The following TMEM116 variants were observed in gnomAD, a reference collection of about 807,000 sequenced individuals.
TMEM116 encodes transmembrane protein 116.
Under a neutral mutation model 44.3 loss-of-function variants are expected in TMEM116, and 38 were observed. The observed-to-expected ratio is 0.86, with a 90% CI of 0.66 to 1.12. The LOEUF (loss-of-function observed/expected upper bound fraction) is 1.12, where lower values mean the gene tolerates loss of function less well. Ranked by LOEUF, TMEM116 falls within the 50% of genes most tolerant of loss-of-function variation. The pLI, the probability that TMEM116 is intolerant of heterozygous loss-of-function variation, is 0.00. For synonymous variants in TMEM116, 132 were observed against 144.8 expected (o/e 0.91, Z 0.64); for missense variants, 354 against 401.7 (o/e 0.88, Z 1.01).
intron 4 of TMEM116, among the ~76,000 whole-genome samples, chr12:111,988,986 T>A (rs1199219483): frequency 6.6e-6 from 1 of 152,026 alleles, no homozygotes. Flanking sequence ...TGTGAGACTC[T>A]GTCTCAAAAA....
chr12:111,958,246 C>T (rs1288775149), intron 4 of TMEM116, among the ~76,000 whole-genome samples: 5 of 140,778 alleles, frequency 3.6e-5, no homozygotes, highest in African/African-American at 8.1e-5. Flanking sequence ...TCCCCCTCTC[C>T]GAGAAACACC....
chr12:111,968,992 CAAAAAAA>C (rs1176204219), intron 4 of TMEM116, among the ~76,000 whole-genome samples: 17 of 45,194 alleles, frequency 3.8e-4, no homozygotes, highest in East Asian at 3.6e-3. Context: ...GACTCTATCT[CAAAAAAA>C]AAAAAAAAAA....
At chr12:111,995,922 C>A (rs12366800) in intron 3 of TMEM116, among the ~76,000 whole-genome samples, 6 of 151,100 alleles carry the variant, frequency 4.0e-5, no homozygotes, top group African/African-American at 1.5e-4. Context: ...CACTTGTGGT[C>A]TCAGCTACTT....
intron 3 of TMEM116, among the ~76,000 whole-genome samples, chr12:112,001,869 T>C (rs147499536): frequency 1.3e-3 from 204 of 152,328 alleles, no homozygotes; most frequent in Admixed American, 3.4e-3. Flanking sequence ...TCCATTTTCA[T>C]TGGACATTAT....
intron 5 of TMEM116, among the ~76,000 whole-genome samples, chr12:111,940,567 G>GTATATATATA (rs138347540): frequency 7.7e-6 from 1 of 130,208 alleles, no homozygotes; most frequent in East Asian, 3.5e-4. Context: ...ATATATGTGT[G>GTATATATATA]TATATATATA....
chr12:111,987,434 G>A (rs1593549176), intron 4 of TMEM116, among the ~76,000 whole-genome samples: 1 of 151,916 alleles, frequency 6.6e-6, no homozygotes, highest in South Asian at 2.1e-4. Flanking sequence ...GAACCCGGGA[G>A]GTGGAGGTTG....
chr12:111,975,258 C>T (rs1593482404), intron 4 of TMEM116, among the ~76,000 whole-genome samples: 2 of 152,370 alleles, frequency 1.3e-5, no homozygotes, highest in African/African-American at 4.8e-5. Context: ...AATCCTCCCA[C>T]CTCAGTCAGC....
chr12:112,004,229 CT>C (rs945817556), intron 2 of TMEM116, among the ~76,000 whole-genome samples: 2 of 151,622 alleles, frequency 1.3e-5, no homozygotes, highest in South Asian at 2.1e-4. Context: ...GATCTTCCCA[CT>C]TTGGCCTTTC....
At chr12:111,943,441 A>G in intron 4 of TMEM116, 72 bp from the exon 5 acceptor site, 1 of 1,051,364 alleles carries the variant, frequency 9.5e-7, no homozygotes, top group Non-Finnish European at 1.4e-6. Flanking sequence ...AACATACTTC[A>G]TTATTTTCTA....
intron 8 of TMEM116, chr12:111,934,250 A>G: frequency 2.0e-6 from 1 of 497,864 alleles, no homozygotes; most frequent in Non-Finnish European, 3.6e-6. Context: ...TAACTAGCCA[A>G]ACTTGTGTAT....
intron 2 of TMEM116, 146 bp downstream of exon 2, chr12:112,005,111 A>G: frequency 1.9e-6 from 1 of 524,666 alleles, no homozygotes; most frequent in Non-Finnish European, 3.2e-6. Context: ...TCACTTTATT[A>G]GTAAGAAAAT....
intron 3 of TMEM116, among the ~76,000 whole-genome samples, chr12:112,003,187 C>T (rs2077367472): frequency 6.6e-6 from 1 of 152,226 alleles, no homozygotes; most frequent in Admixed American, 6.5e-5. Flanking sequence ...CAAGCTCCTG[C>T]TATGCTTAGA....
chr12:111,947,246 G>A (rs1028232377), intron 4 of TMEM116, among the ~76,000 whole-genome samples: 1 of 148,016 alleles, frequency 6.8e-6, no homozygotes, highest in Admixed American at 6.8e-5. Context: ...ATTTCATAGT[G>A]ACATGTGATC....
At chr12:111,997,148 C>G (rs2076973491) in intron 3 of TMEM116, among the ~76,000 whole-genome samples, 1 of 152,138 alleles carries the variant, frequency 6.6e-6, no homozygotes, top group Admixed American at 6.5e-5. Flanking sequence ...GGTAATGTTC[C>G]ATTTCTTGTC....
In TMEM116 at chr12:111,938,161, C is replaced by A; in HGVS notation, c.365G>T (p.Ser122Ile). The change falls in exon 6 of 11, where the codon AGC (serine) becomes ATC (isoleucine). Residue 122 changes from serine (S) to isoleucine (I), a missense_variant and splice_region_variant. Physicochemically the swap from Ser to Ile is moderately radical, Grantham distance 142 (BLOSUM62 -2). Transcript: ENST00000552374. ...RVCQMAFVFSSLIPLLLMTPV... is the reference protein window; with the variant it reads ...RVCQMAFVFSILIPLLLMTPV... ...CTAAGAAGTAAAGAAAAAATTTTAC[C>A]TTGAGAAAACAAAGGCCATTTGACA... 1.3e-6 allele frequency: 2 copies of A among 1,594,108 alleles called. No homozygotes were observed. Among genetic ancestry groups the A allele is most frequent in the South Asian group, 2.3e-5 (2 of 86,984 alleles).
chr12:112,012,969 A>C (rs1241405573), intron 1 of TMEM116, 33 bp downstream of exon 1: 1 of 155,708 alleles, frequency 6.4e-6, no homozygotes, highest in Non-Finnish European at 1.5e-5. Flanking sequence ...AGCCTGACTG[A>C]GAATAACGGC....
At chr12:111,942,421 C>T (rs1335656834) in intron 5 of TMEM116, among the ~76,000 whole-genome samples, 3 of 152,008 alleles carry the variant, frequency 2.0e-5, no homozygotes, top group African/African-American at 7.2e-5. Flanking sequence ...TACAGGCGCC[C>T]GCCACCACGT....
At chr12:111,952,205 G>A (rs1170575139) in intron 4 of TMEM116, among the ~76,000 whole-genome samples, 2 of 152,116 alleles carry the variant, frequency 1.3e-5, no homozygotes, top group Admixed American at 6.5e-5. Context: ...CTCCAGCCTG[G>A]TGACAGAGCG....
At chr12:111,973,528 A>G (rs1252138627) in intron 4 of TMEM116, among the ~76,000 whole-genome samples, 1 of 152,262 alleles carries the variant, frequency 6.6e-6, no homozygotes, top group African/African-American at 2.4e-5. Flanking sequence ...CTACTAAAGC[A>G]GTAATTAGGT....
Sources: allele counts gnomAD v4.1 joint callset (sites outside exome capture counted in the v4.1 genomes callset), GRCh38; gene constraint gnomAD v4.1.1; transcripts MANE v1.5; gene names NCBI Gene and HGNC (gene_info 2026-07-23, HGNC 2026-07-21).